Variants in DHX38 observed in about 807,000 individuals in gnomAD.
The protein encoded by DHX38 is pre-mRNA-splicing factor ATP-dependent RNA helicase PRP16.
In DHX38, 100 loss-of-function variants were observed where a neutral mutation model predicts 153.1. The ratio of observed to expected loss-of-function variants is 0.65; its 90% CI spans 0.56 to 0.77. The LOEUF is 0.77. Ranked by LOEUF, DHX38 falls within the 30% of genes least tolerant of loss-of-function variation. DHX38 has a pLI of 0.00. For synonymous variants in DHX38, 650 were observed against 631.7 expected (o/e 1.03, Z -0.43); for missense variants, 1,440 against 1,654.0 (o/e 0.87, Z 2.24).
chr16:72,110,268 C>T (rs1240412407), intron 25 of DHX38, among the ~76,000 whole-genome samples: 4 of 152,236 alleles, frequency 2.6e-5, no homozygotes, highest in African/African-American at 9.6e-5. Context: ...GTGTTTCGTG[C>T]ACTTGCTGTA....
intron 10 of DHX38, 90 bp from the exon 11 acceptor site, chr16:72,101,410 C>G (rs559274580): frequency 9.0e-6 from 12 of 1,336,356 alleles, no homozygotes; most frequent in African/African-American, 1.4e-5. Flanking sequence ...TTACCACCTG[C>G]GGGGTGAAGT....
In DHX38 at chr16:72,103,977, C is replaced by T. The variant is rs1214753965; in HGVS notation, c.1856C>T (p.Thr619Ile). The T allele has an allele frequency of 2.5e-6, 4 of 1,614,210 alleles. No homozygotes were observed. Among genetic ancestry groups the T allele is most frequent in the Admixed American group, 1.7e-5 (1 of 60,030 alleles). ...VGYAIRFEDC[T>I]SENTLIKYMT... ...TATGCCATCCGCTTTGAAGACTGCA[C>T]TTCAGAGAACACCTTGATCAAATAC... The change falls in exon 14 of 27, where the codon ACT becomes ATT. Residue 619 changes from threonine to isoleucine, a missense_variant. Thr to Ile is a moderately conservative substitution (Grantham distance 89, BLOSUM62 -1). Transcript: ENST00000268482.
chr16:72,098,253 T>G (rs2042048233), intron 4 of DHX38, among the ~76,000 whole-genome samples: 1 of 151,924 alleles, frequency 6.6e-6, no homozygotes, highest in Admixed American at 6.6e-5. Context: ...GCCAACATGG[T>G]GAAACCCCAT....
chr16:72,099,741 C>A lies in DHX38; in HGVS notation c.970C>A (p.Arg324=), dbSNP rs1464865771. The change falls in exon 8 of 27, where the codon CGG becomes AGG. Residue 324 remains arginine (R), a synonymous_variant. Coordinates refer to ENST00000268482, the MANE Select transcript of DHX38 (RefSeq NM_014003.4). ...QWEDDQRQAD[R]DWYMMDEGYD... ...GCCTCCTGCCCTGCAGCAAGCCGAT[C>A]GGGATTGGTACATGATGGACGAGGG... 6.2e-7 allele frequency: 1 copy of A among 1,614,076 alleles called. No individual in the cohort carries two copies. Among genetic ancestry groups the A allele is most frequent in the Admixed American group, 1.7e-5 (1 of 60,016 alleles).
chr16:72,105,276 C>G lies in DHX38; in HGVS notation c.2307C>G (p.Asn769Lys). The G allele has an allele frequency of 1.9e-6, 3 of 1,614,142 alleles. No individual in the cohort carries two copies. In the South Asian group the frequency reaches 3.3e-5, roughly 18 times the overall value. The change falls in exon 17 of 27, where the codon AAC (asparagine) becomes AAG (lysine). Residue 769 changes from asparagine (N) to lysine (K), a missense_variant. Transcript: ENST00000268482. ...TGGAGCATCTGGAGGAACTGGAGAA[C>G]GCGCCTGCCCTGGCTGTGCTGCCCA... Reference protein sequence around the residue: ...QIVEHLEELENAPALAVLPIY... With the variant: ...QIVEHLEELEKAPALAVLPIY...
In DHX38 at chr16:72,103,650, C is replaced by T. The variant is rs2042130658; in HGVS notation, c.1686C>T (p.Thr562=). 1.2e-6 allele frequency: 2 copies of T among 1,613,658 alleles called. No individual in the cohort carries two copies. The highest frequency in any genetic ancestry group is 1.7e-6 in the Non-Finnish European group (2 of 1,179,598). The change falls in exon 13 of 27, where the codon ACC becomes ACT. Residue 562 remains threonine (T), a synonymous_variant. Transcript: ENST00000268482. ...TTGGGGAGACGGGGAGTGGTAAGAC[C>T]ACTCAGCTGACGCAGTACCTGCATG... ...IVVGETGSGK[T]TQLTQYLHED...
chr16:72,096,249 G>A lies in DHX38; in HGVS notation c.92G>A (p.Ser31Asn). 1 of 1,614,204 alleles carries A rather than the reference G, an allele frequency of 6.2e-7. No homozygotes were observed. The highest frequency in any genetic ancestry group is 8.5e-7 in the Non-Finnish European group (1 of 1,180,042). ...QVGGLICKSK[S>N]AASEQHVFKA... ...GGTGGTCTTATTTGCAAGTCCAAAAGTGCGGCCAGCGAGCAGCATGTCTTC... is the reference window on the plus strand; with the variant it reads ...GGTGGTCTTATTTGCAAGTCCAAAAATGCGGCCAGCGAGCAGCATGTCTTC... Residue 31 changes from serine (S) to asparagine (N), a missense_variant, in exon 2 of 27, where the codon AGT (serine) becomes AAT (asparagine). Transcript: ENST00000268482.
chr16:72,112,252 G>C (rs888771135), intron 26 of DHX38, 161 bp from the exon 27 acceptor site: 1 of 648,852 alleles, frequency 1.5e-6, no homozygotes, highest in Non-Finnish European at 2.7e-6. Context: ...GTCGAACATG[G>C]GGACGGCAGA....
chr16:72,098,536 T>C, intron 4 of DHX38, 109 bp from the exon 5 acceptor site: 1 of 1,402,694 alleles, frequency 7.1e-7, no homozygotes, highest in Non-Finnish European at 9.7e-7. Context: ...ATGCAAGGTT[T>C]AGAAATAGTA....
Position 72,109,615 on chromosome 16 carries a change from C to T in DHX38, c.3477+105C>T, listed in dbSNP as rs1370708760. 1.9e-5 allele frequency: 20 copies of T among 1,056,222 alleles called. No individual in the cohort carries two copies. In the East Asian group the frequency reaches 6.2e-4, roughly 33 times the overall value. 65.4% of individuals were successfully genotyped at this position (1,056,222 alleles called of 1,614,324 possible). A position where few individuals can be genotyped will look rare whatever the true frequency, so the allele number is the denominator to read the frequency against. On this transcript the variant is annotated intron_variant, in intron 25 of 26. Coordinates refer to ENST00000268482, the MANE Select transcript of DHX38 (RefSeq NM_014003.4). The stretch of plus-strand genomic sequence containing the variant: ...GGTCATCCAACCCACTTACTTCTCT[C>T]TGCAAACATAAAGGCTGTGATCCAG...
intron 26 of DHX38, chr16:72,112,194 C>T (rs1227564309): frequency 6.8e-6 from 4 of 584,572 alleles, no homozygotes; most frequent in East Asian, 5.6e-5. Context: ...TGTTAAAATC[C>T]GATCTAAAGC....
chr16:72,096,793 G>T (rs768452875), intron 2 of DHX38, 29 bp from the exon 3 acceptor site: 52 of 1,597,244 alleles, frequency 3.3e-5, no homozygotes, highest in Non-Finnish European at 4.1e-5. Context: ...CTATGGAGGG[G>T]CCTTTACCAG....
Position 72,103,758 on chromosome 16 carries a change from T to C in DHX38, c.1794T>C (p.Ser598=), listed in dbSNP as rs2144154578. The C allele has an allele frequency of 6.2e-7, 1 of 1,613,108 alleles. No individual in the cohort carries two copies. The highest frequency in any genetic ancestry group is 1.1e-5 in the South Asian group (1 of 91,050). ...VAAMSVAKRV[S]EEMGGNLGEE... is the part of the protein sequence containing the mutation. ...CCATGTCAGTGGCCAAGAGAGTCAG[T>C]GAAGAGATGGGGGGAAACCTTGGCG... The change falls in exon 13 of 27, where the codon AGT becomes AGC. Residue 598 remains serine (S), a synonymous_variant. Coordinates refer to ENST00000268482, the MANE Select transcript of DHX38 (RefSeq NM_014003.4).
Position 72,100,463 on chromosome 16 carries a change from A to G in DHX38, c.1144A>G (p.Met382Val). 3.7e-6 allele frequency: 6 copies of G among 1,614,156 alleles called. No homozygotes were observed. The highest frequency in any genetic ancestry group is 5.1e-6 in the Non-Finnish European group (6 of 1,179,984). ...EDNERWETNR[M>V]LTSGVVHRLE... is the part of the protein sequence containing the mutation. ...TAACGAGCGCTGGGAGACAAACCGC[A>G]TGCTCACCAGTGGGGTGGTCCATCG... The change falls in exon 9 of 27, where the codon ATG (methionine) becomes GTG (valine). Residue 382 changes from methionine (M) to valine (V), a missense_variant. Around this residue, in one of 6 missense-constraint regions of DHX38, gnomAD observed 77 missense variants for 125.4 expected, o/e 0.61. Coordinates refer to ENST00000268482, the MANE Select transcript of DHX38 (RefSeq NM_014003.4).
intron 12 of DHX38, 87 bp from the exon 13 acceptor site, chr16:72,103,515 G>A (rs1216047296): frequency 7.0e-7 from 1 of 1,432,130 alleles, no homozygotes; most frequent in African/African-American, 1.4e-5. Context: ...GCTAGTCATG[G>A]GGATAGGAGG....
intron 21 of DHX38, 37 bp from the exon 22 acceptor site, chr16:72,108,190 C>T (rs766344335): frequency 1.9e-5 from 31 of 1,609,582 alleles, no homozygotes; most frequent in Non-Finnish European, 2.5e-5. Context: ...CCTGGACCCC[C>T]CTGTACTTAG....
chr16:72,112,657 A>G lies in DHX38; in HGVS notation c.*160A>G. The G allele has an allele frequency of 3.8e-6, 3 of 797,426 alleles. No homozygotes were observed. In the South Asian group the frequency reaches 4.3e-5, roughly 11 times the overall value. The allele number at this position is 797,426 out of a possible 1,614,324, so 49.4% of individuals were successfully genotyped here. A position where few individuals can be genotyped will look rare whatever the true frequency, so the allele number is the denominator to read the frequency against. On this transcript the variant is annotated 3_prime_UTR_variant, in exon 27 of 27. Transcript: ENST00000268482. The stretch of plus-strand genomic sequence containing the variant: ...CCTGCTGGACCAGACTCTCTGGCAG[A>G]GGAGGTGGAGTTCTTCCATGCAGGA...
At chr16:72,099,679 G>T in intron 7 of DHX38, 53 bp from the exon 8 acceptor site, 4 of 1,602,874 alleles carry the variant, frequency 2.5e-6, no homozygotes, top group South Asian at 1.1e-5. Flanking sequence ...GCCATGTCTC[G>T]TGCATAAACT....
chr16:72,109,855 AT>A (rs1037055904), intron 25 of DHX38: 87 of 163,226 alleles, frequency 5.3e-4, no homozygotes, highest in Middle Eastern at 2.7e-3. Flanking sequence ...ACACACATCC[AT>A]TTTTTTTTTC....
Sources: allele counts gnomAD v4.1 joint callset (sites outside exome capture counted in the v4.1 genomes callset), GRCh38; gene constraint gnomAD v4.1.1; regional missense constraint gnomAD v4.1.1; transcripts MANE v1.5; gene names NCBI Gene and HGNC (gene_info 2026-07-23, HGNC 2026-07-21).